The following STARD13 variants were observed in gnomAD, a reference collection of about 807,000 sequenced individuals.
STARD13 encodes StAR related lipid transfer domain containing 13.
A neutral mutation model predicts 106.4 loss-of-function variants in STARD13; 62 were observed. That is an observed-to-expected ratio of 0.58 (90% CI 0.48 to 0.72). The LOEUF (loss-of-function observed/expected upper bound fraction) is 0.72, where lower values mean the gene tolerates loss of function less well. Among genes scored for constraint, STARD13 ranks in the 30% least tolerant of loss-of-function variants. The pLI is 0.00. For missense variants in STARD13, 1,387 were observed against 1,424.0 expected (o/e 0.97, Z 0.42); for synonymous variants, 565 against 553.0 (o/e 1.02, Z -0.31).
chr13:33,610,740 T>C, the STARD13 span, among the ~76,000 whole-genome samples: 2,092 of 152,324 alleles, frequency 0.014, 48 homozygotes, highest in African/African-American at 0.047. Flanking sequence ...TTTTGTTGTG[T>C]TTTTATTTTT....
Position 33,130,995 on chromosome 13 carries a change from T to C in STARD13, c.388-706A>G, listed in dbSNP as rs1244706447. Among the ~76,000 whole-genome samples the C allele has an allele frequency of 6.6e-6, 1 of 152,222 alleles. No homozygotes were observed. The highest frequency in any genetic ancestry group is 2.4e-5 in the African/African-American group (1 of 41,460). On this transcript the variant is annotated intron_variant, in intron 4 of 13. Coordinates refer to ENST00000336934, the MANE Select transcript of STARD13 (RefSeq NM_178006.4). The surrounding 1 kb of genome is among the most constrained non-coding windows in gnomAD (Gnocchi z 4.1). ...GCCGTTGGCAGGACGCACACCTCTG[T>C]GTGGCTGCAGTGGGTCCCCGCGGCT...
chr13:33,147,717 C>T lies in STARD13; in HGVS notation c.324-5344G>A, dbSNP rs1402904606. Reference sequence around the variant, plus strand: ...AAAAAACCAAAACAGTGGATATCAGCAAATTGATTCTAAAGTTTATATGAA... The same window carrying T: ...AAAAAACCAAAACAGTGGATATCAGTAAATTGATTCTAAAGTTTATATGAA... On this transcript the variant is annotated intron_variant, in intron 3 of 13. Coordinates refer to ENST00000336934, the MANE Select transcript of STARD13 (RefSeq NM_178006.4). Among the ~76,000 whole-genome samples, 5 of 152,128 alleles carry T rather than the reference C, an allele frequency of 3.3e-5. No individual in the cohort carries two copies. The East Asian group carries it at 9.6e-4, about 29-fold the overall frequency.
chr13:33,515,994 G>A, the STARD13 span, among the ~76,000 whole-genome samples: 45,238 of 151,454 alleles, frequency 0.3, 7,347 homozygotes, highest in Middle Eastern at 0.38. Context: ...ATAGCCTTTC[G>A]TTAGCCAATG....
intron 1 of STARD13, among the ~76,000 whole-genome samples, chr13:33,308,520 C>CTTTTTTTTTTTTTTTTTT (rs552526416): frequency 1.3e-3 from 119 of 88,586 alleles, no homozygotes; most frequent in Non-Finnish European, 1.8e-3. Flanking sequence ...CTTTTTCTTT[C>CTTTTTTTTTTTTTTTTTT]TTTTTTTTTT....
At chr13:33,485,959 G>A in the STARD13 span, among the ~76,000 whole-genome samples, 6 of 152,264 alleles carry the variant, frequency 3.9e-5, no homozygotes, top group Admixed American at 6.5e-5. Context: ...ATCAAAATGT[G>A]GAATGCAGAA....
At chr13:33,108,470 T>C (rs1874072842) in intron 12 of STARD13, among the ~76,000 whole-genome samples, 1 of 152,174 alleles carries the variant, frequency 6.6e-6, no homozygotes, top group Non-Finnish European at 1.5e-5. Context: ...TATTTAAAAT[T>C]CCATCCCTTA....
chr13:33,662,842 G>A, the STARD13 span, among the ~76,000 whole-genome samples: 1 of 152,106 alleles, frequency 6.6e-6, no homozygotes, highest in Non-Finnish European at 1.5e-5. Context: ...TTCCCAAGGA[G>A]GAAATATAAA....
chr13:33,304,403 T>G lies in STARD13; in HGVS notation c.124+45887A>C, dbSNP rs868000847. Among the ~76,000 whole-genome samples the G allele has an allele frequency of 9.8e-5, 15 of 152,304 alleles. 1 individual carries two copies. In the Middle Eastern group the frequency reaches 0.017, roughly 173 times the overall value. ...TCTTGTAGGAATGTGTTTTAGTGCT[T>G]TACATTAATTTCATATAATTAAATT... On this transcript the variant is annotated intron_variant, in intron 1 of 5. Transcript: ENST00000567873.
At position 33,151,445 on chromosome 13, in the gene STARD13, A is replaced by C. The variant is rs1016716424; in HGVS notation, c.324-9072T>G. Among the ~76,000 whole-genome samples, 5 of 152,150 alleles carry C rather than the reference A, an allele frequency of 3.3e-5. 1 individual carries two copies. Among genetic ancestry groups the C allele is most frequent in the Non-Finnish European group, 5.9e-5 (4 of 68,024 alleles). On this transcript the variant is annotated intron_variant, in intron 3 of 13. Coordinates refer to ENST00000336934, the MANE Select transcript of STARD13 (RefSeq NM_178006.4). Reference sequence around the variant, plus strand: ...GTTCCAGGCTCTTTTAAATAACTAGATCTCACGTGAACTAACTGAGGGAGA... The same window carrying C: ...GTTCCAGGCTCTTTTAAATAACTAGCTCTCACGTGAACTAACTGAGGGAGA...
the STARD13 span, among the ~76,000 whole-genome samples, chr13:33,613,600 T>C: frequency 1.3e-5 from 2 of 152,158 alleles, no homozygotes; most frequent in Non-Finnish European, 2.9e-5. Context: ...CCTTGGTGAA[T>C]GTTGAGTGGA....
At chr13:33,479,780 C>T in the STARD13 span, among the ~76,000 whole-genome samples, 1 of 152,082 alleles carries the variant, frequency 6.6e-6, no homozygotes, top group Non-Finnish European at 1.5e-5. Context: ...ATAGTGAATT[C>T]TCGTGAGATC....
chr13:33,226,868 AC>A (rs1347446517), intron 1 of STARD13, among the ~76,000 whole-genome samples: 1 of 152,214 alleles, frequency 6.6e-6, no homozygotes, highest in Non-Finnish European at 1.5e-5. Context: ...ATACTATAAA[AC>A]ATCTATCTTT....
At chr13:33,223,443 GA>G (rs1888458793) in intron 1 of STARD13, among the ~76,000 whole-genome samples, 1 of 152,180 alleles carries the variant, frequency 6.6e-6, no homozygotes, top group Non-Finnish European at 1.5e-5. Context: ...TGGATCACCT[GA>G]TGTCAGGAGT....
intron 3 of STARD13, among the ~76,000 whole-genome samples, chr13:33,143,712 C>G (rs1593955613): frequency 6.6e-6 from 1 of 152,190 alleles, no homozygotes; most frequent in African/African-American, 2.4e-5. Context: ...CACCACCACA[C>G]AGGCTAATTT....
chr13:33,569,904 G>A, the STARD13 span, among the ~76,000 whole-genome samples: 1 of 147,212 alleles, frequency 6.8e-6, no homozygotes, highest in African/African-American at 2.5e-5. Flanking sequence ...AATGGACTTT[G>A]GGGACTTGGG....
chr13:33,338,522 A>G (rs559795482), intron 1 of STARD13, among the ~76,000 whole-genome samples: 1 of 152,278 alleles, frequency 6.6e-6, no homozygotes, highest in South Asian at 2.1e-4. Context: ...TATAACACTA[A>G]TGGATCGATA....
the STARD13 span, among the ~76,000 whole-genome samples, chr13:33,385,710 A>G: frequency 6.6e-6 from 1 of 151,672 alleles, no homozygotes; most frequent in South Asian, 2.1e-4. Flanking sequence ...AACTACAAAA[A>G]TTAGCTGGGC....
chr13:33,193,780 G>A (rs1455492975), intron 1 of STARD13, among the ~76,000 whole-genome samples: 1 of 152,208 alleles, frequency 6.6e-6, no homozygotes, highest in African/African-American at 2.4e-5. Context: ...GAGGACAGGA[G>A]AGAGAAACTG....
intron 1 of STARD13, among the ~76,000 whole-genome samples, chr13:33,266,221 CG>C: frequency 6.6e-6 from 1 of 152,160 alleles, no homozygotes; most frequent in East Asian, 1.9e-4. Context: ...TCTGGGTTTT[CG>C]TTTCTTAATC....
Sources: gnomAD v4.1 joint callset for allele counts (sites outside exome capture counted in the v4.1 genomes callset) on GRCh38, gnomAD v4.1.1 for gene constraint, Gnocchi (gnomAD v3.1) non-coding constraint, MANE v1.5 for transcripts, NCBI Gene and HGNC (gene_info 2026-07-23, HGNC 2026-07-21) for gene names.